HPSE2: variants seen among roughly 807,000 people sequenced by gnomAD.
The protein encoded by HPSE2 is inactive heparanase-2.
A neutral mutation model predicts 60.5 loss-of-function variants in HPSE2; 38 were observed. The observed-to-expected ratio is 0.63, with a 90% CI of 0.48 to 0.82. The LOEUF is 0.82. Among genes scored for constraint, HPSE2 ranks in the 40% least tolerant of loss-of-function variants. The pLI is 0.00. For synonymous variants in HPSE2, 295 were observed against 293.2 expected, an observed-to-expected ratio of 1.01 and a Z score of -0.06; for missense variants, 713 against 740.4, an observed-to-expected ratio of 0.96 and a Z score of 0.43.
intron 9 of HPSE2, among the ~76,000 whole-genome samples, chr10:98,536,982 G>C (rs954515515): frequency 2.6e-5 from 4 of 152,160 alleles, no homozygotes; most frequent in Non-Finnish European, 5.9e-5. Flanking sequence ...TTATTCCAGA[G>C]GCAGTGAATT....
chr10:98,556,255 G>A (rs1944004915), intron 9 of HPSE2, among the ~76,000 whole-genome samples: 1 of 152,162 alleles, frequency 6.6e-6, no homozygotes, highest in Admixed American at 6.5e-5. Flanking sequence ...CAGAGCACAG[G>A]ACATGCAAAC....
At chr10:99,109,419 AG>A (rs1364088109) in intron 3 of HPSE2, among the ~76,000 whole-genome samples, 1 of 152,086 alleles carries the variant, frequency 6.6e-6, no homozygotes, top group Non-Finnish European at 1.5e-5. Context: ...TATTGCCTAG[AG>A]TACTAAATGC....
At chr10:98,606,531 A>G (rs1418403868) in intron 9 of HPSE2, among the ~76,000 whole-genome samples, 1 of 152,244 alleles carries the variant, frequency 6.6e-6, no homozygotes, top group Non-Finnish European at 1.5e-5. Flanking sequence ...TGTGACAACA[A>G]GACGAGGGTG....
chr10:98,474,513 A>G (rs1370761176), intron 11 of HPSE2, among the ~76,000 whole-genome samples: 4 of 152,208 alleles, frequency 2.6e-5, no homozygotes, highest in Admixed American at 2.6e-4. Context: ...TTTGGTTAAC[A>G]TCAAATGACA....
Position 98,475,157 on chromosome 10 carries a change from G to A in HPSE2, c.1613+7479C>T, listed in dbSNP as rs983192998. On this transcript the variant is annotated intron_variant, in intron 11 of 11. Transcript: ENST00000370552. ...TTTTGAGACGGAGTCTCGCTCTGTC[G>A]CCCAGGCTGAAGTGCAGTGGCACGG... 4.2e-5 allele frequency among the ~76,000 whole-genome samples: 6 copies of A among 144,426 alleles called. No individual in the cohort carries two copies. The South Asian group carries it at 6.5e-4, about 16-fold the overall frequency. 94.7% of individuals were successfully genotyped at this position (144,426 alleles called of 152,430 possible). A position where few individuals can be genotyped will look rare whatever the true frequency, so the allele number is the denominator to read the frequency against.
At chr10:98,807,815 T>G (rs1007654474) in intron 3 of HPSE2, among the ~76,000 whole-genome samples, 39 of 152,336 alleles carry the variant, frequency 2.6e-4, no homozygotes, top group African/African-American at 8.7e-4. Context: ...AGAAATAGAA[T>G]AAGCTCCATA....
intron 3 of HPSE2, among the ~76,000 whole-genome samples, chr10:98,853,851 C>T (rs1952242137): frequency 6.6e-6 from 1 of 152,084 alleles, no homozygotes; most frequent in Admixed American, 6.5e-5. Flanking sequence ...AACTAAGGGT[C>T]CCAACTATCT....
chr10:98,576,231 CAAT>C (rs1255059370), intron 9 of HPSE2, among the ~76,000 whole-genome samples: 2 of 151,460 alleles, frequency 1.3e-5, no homozygotes, highest in African/African-American at 4.9e-5. Flanking sequence ...ACCAGGGAAA[CAAT>C]AAAAATTCTG....
At chr10:98,806,815 C>A (rs837744) in intron 3 of HPSE2, among the ~76,000 whole-genome samples, 1 of 151,924 alleles carries the variant, frequency 6.6e-6, no homozygotes, top group Non-Finnish European at 1.5e-5. Context: ...CTTTTAATTA[C>A]GAAAAATCTC....
intron 3 of HPSE2, among the ~76,000 whole-genome samples, chr10:98,807,492 G>A (rs1951069777): frequency 1.3e-5 from 2 of 152,250 alleles, no homozygotes; most frequent in Admixed American, 1.3e-4. Context: ...ATCTCTCAAA[G>A]TTGTGAATTT....
chr10:98,810,116 T>C (rs1951135374), intron 3 of HPSE2, among the ~76,000 whole-genome samples: 1 of 152,180 alleles, frequency 6.6e-6, no homozygotes, highest in African/African-American at 2.4e-5. Context: ...CTGCTGATTT[T>C]TGTAGTCTTC....
At chr10:99,114,644 G>C (rs956608118) in intron 3 of HPSE2, among the ~76,000 whole-genome samples, 1 of 152,148 alleles carries the variant, frequency 6.6e-6, no homozygotes, top group African/African-American at 2.4e-5. Flanking sequence ...GCTGGGTGCG[G>C]TGGCTCATGC....
intron 9 of HPSE2, among the ~76,000 whole-genome samples, chr10:98,576,197 A>C (rs549910240): frequency 6.6e-6 from 1 of 152,302 alleles, no homozygotes; most frequent in African/African-American, 2.4e-5. Context: ...AAATAATGAA[A>C]GGTGTCATGG....
At chr10:98,678,910 CA>C (rs1947714529) in intron 6 of HPSE2, among the ~76,000 whole-genome samples, 1 of 151,594 alleles carries the variant, frequency 6.6e-6, no homozygotes, top group Non-Finnish European at 1.5e-5. Context: ...TAAACACCAC[CA>C]AAACAATAGT....
At chr10:98,947,198 C>CTG (rs1955211914) in intron 3 of HPSE2, among the ~76,000 whole-genome samples, 4 of 152,160 alleles carry the variant, frequency 2.6e-5, no homozygotes, top group Non-Finnish European at 4.4e-5. Flanking sequence ...ATAAAGCCAT[C>CTG]ACTGCAGCTA....
chr10:98,506,648 G>C (rs1942210590), intron 9 of HPSE2, among the ~76,000 whole-genome samples: 2 of 152,132 alleles, frequency 1.3e-5, no homozygotes, highest in South Asian at 2.1e-4. Context: ...TGTAGAGACA[G>C]GGTCTTGCTA....
chr10:98,667,580 C>T (rs1277123665), intron 6 of HPSE2, among the ~76,000 whole-genome samples: 1 of 152,104 alleles, frequency 6.6e-6, no homozygotes, highest in Non-Finnish European at 1.5e-5. Flanking sequence ...TAATTCACCA[C>T]AATCAAGTAG....
chr10:98,459,670 G>A lies in HPSE2; in HGVS notation c.1683C>T (p.Arg561=), dbSNP rs1450107474. The stretch of plus-strand genomic sequence containing the variant: ...CCAATGTCCGGCCGGCCCGAAGGGG[G>A]CGGGGCTTCAATTCTGGGAGGGTCC... ...DDGTLPELKP[R]PLRAGRTLVI... is the part of the protein sequence containing the mutation. Residue 561 remains arginine (R), a synonymous_variant, in exon 12 of 12, where the codon CGC becomes CGT. Transcript: ENST00000370552. 6.2e-7 allele frequency: 1 copy of A among 1,614,170 alleles called. No homozygotes were observed. The highest frequency in any genetic ancestry group is 8.5e-7 in the Non-Finnish European group (1 of 1,180,018).
At chr10:98,912,753 GAGA>G (rs1954015032) in intron 3 of HPSE2, among the ~76,000 whole-genome samples, 2 of 152,206 alleles carry the variant, frequency 1.3e-5, no homozygotes, top group Admixed American at 6.5e-5. Flanking sequence ...CTCAGAGATA[GAGA>G]AGAAGGATGA....
Sources: gnomAD v4.1 joint callset for allele counts (sites outside exome capture counted in the v4.1 genomes callset) on GRCh38, gnomAD v4.1.1 for gene constraint, MANE v1.5 for transcripts, NCBI Gene and HGNC (gene_info 2026-07-23, HGNC 2026-07-21) for gene names.